The following FZD10 variants were observed in gnomAD, a reference collection of about 807,000 sequenced individuals.
FZD10 encodes the protein frizzled-10.
A neutral mutation model predicts 24.4 loss-of-function variants in FZD10; 14 were observed. The ratio of observed to expected loss-of-function variants is 0.57; its 90% CI spans 0.38 to 0.90. The LOEUF (loss-of-function observed/expected upper bound fraction) is 0.90. Ranked by LOEUF, FZD10 falls within the 40% of genes least tolerant of loss-of-function variation. The pLI is 0.00. For missense variants in FZD10, 775 were observed against 816.6 expected (o/e 0.95, Z 0.62); for synonymous variants, 381 against 349.1 (o/e 1.09, Z -1.02).
chr12:130,163,602 C>T lies in FZD10; in HGVS notation c.660C>T (p.Ser220=), dbSNP rs1215010353. ...LCTPGVDVYW[S]REDKRFAVVW... ...CGCCCGGCGTGGACGTGTACTGGAG[C>T]CGCGAGGACAAGCGCTTCGCAGTGG... Residue 220 remains serine (S), a synonymous_variant, in exon 1 of 1, where the codon AGC becomes AGT. Coordinates refer to ENST00000229030, the MANE Select transcript of FZD10 (RefSeq NM_007197.4). 1.2e-6 allele frequency: 2 copies of T among 1,612,016 alleles called. No individual in the cohort carries two copies. Among genetic ancestry groups the T allele is most frequent in the Non-Finnish European group, 1.7e-6 (2 of 1,179,472 alleles).
Position 130,163,749 on chromosome 12 carries a change from C to G in FZD10, c.807C>G (p.Cys269Trp). ...PERPIIFLSM[C>W]YCVYSVGYLI... The stretch of plus-strand genomic sequence containing the variant: ...GCCCCATCATCTTCCTCTCCATGTG[C>G]TACTGCGTCTACTCCGTGGGCTACC... Residue 269 changes from cysteine to tryptophan, a missense_variant, in exon 1 of 1, where the codon TGC becomes TGG. By Grantham distance (215) the Cys-to-Trp change is radical. Coordinates refer to ENST00000229030, the MANE Select transcript of FZD10 (RefSeq NM_007197.4). 6.2e-7 allele frequency: 1 copy of G among 1,613,960 alleles called. No homozygotes were observed. Among genetic ancestry groups the G allele is most frequent in the Non-Finnish European group, 8.5e-7 (1 of 1,180,034 alleles).
At position 130,163,061 on chromosome 12, in the gene FZD10, C is replaced by T. The variant is rs766029066; in HGVS notation, c.119C>T (p.Pro40Leu). ...GDGKCQPIEI[P>L]MCKDIGYNMT... ...GGCAAATGCCAGCCCATCGAGATCC[C>T]GATGTGCAAGGACATCGGCTACAAC... The change falls in exon 1 of 1, where the codon CCG becomes CTG. Residue 40 changes from proline (P) to leucine (L), a missense_variant. By Grantham distance (98) the Pro-to-Leu change is moderately conservative. Transcript: ENST00000229030. 1 of 1,612,746 alleles carries T rather than the reference C, an allele frequency of 6.2e-7. No individual in the cohort carries two copies. The highest frequency in any genetic ancestry group is 1.3e-5 in the African/African-American group (1 of 74,934).
chr12:130,164,738 C>A lies in FZD10; in HGVS notation c.*50C>A. The stretch of plus-strand genomic sequence containing the variant: ...GGGCGCCCGGAGCTAAGATGTGGTG[C>A]TTTTCTTGGTTGTGTTTTTCTTTCT... On this transcript the variant is annotated 3_prime_UTR_variant, in exon 1 of 1. Coordinates refer to ENST00000229030, the MANE Select transcript of FZD10 (RefSeq NM_007197.4). The surrounding 1 kb of genome is among the most constrained non-coding windows in gnomAD (Gnocchi z 5.3). 3.2e-6 allele frequency: 4 copies of A among 1,266,950 alleles called. No individual in the cohort carries two copies. The highest frequency in any genetic ancestry group is 4.3e-6 in the Non-Finnish European group (4 of 923,674). 78.5% of individuals were successfully genotyped at this position (1,266,950 alleles called of 1,614,324 possible).
rs141297067 is a variant in FZD10, at chr12:130,164,046, G to T, written c.1104G>T (p.Leu368=). 5.0e-5 allele frequency: 80 copies of T among 1,613,778 alleles called. 1 individual carries two copies. In the African/African-American group the frequency reaches 8.9e-4, roughly 18 times the overall value. The part of the protein sequence containing the change: ...AWAIPAVKTI[L]ILVMRRVAGD... ...CCATCCCGGCGGTGAAGACCATCCT[G>T]ATCCTGGTCATGCGCAGGGTGGCGG... Residue 368 remains leucine, a synonymous_variant, in exon 1 of 1, where the codon CTG becomes CTT. Coordinates refer to ENST00000229030, the MANE Select transcript of FZD10 (RefSeq NM_007197.4). This position sits in a 1 kb window ranked among gnomAD's most constrained non-coding sequence, Gnocchi z 5.3.
Position 130,163,171 on chromosome 12 carries a change from T to C in FZD10, c.229T>C (p.Tyr77His), listed in dbSNP as rs1347983185. The C allele has an allele frequency of 1.2e-6, 2 of 1,612,072 alleles. No homozygotes were observed. Among genetic ancestry groups the C allele is most frequent in the African/African-American group, 2.7e-5 (2 of 74,660 alleles). Residue 77 changes from tyrosine to histidine, a missense_variant, in exon 1 of 1, where the codon TAC becomes CAC. Transcript: ENST00000229030. The part of the protein sequence containing the change: ...QLHEFAPLVE[Y>H]GCHGHLRFFL... ...GCACGAGTTCGCGCCGCTGGTGGAG[T>C]ACGGCTGCCACGGCCACCTCCGCTT... is the stretch of plus-strand genomic sequence containing the variant.
In FZD10 at chr12:130,163,871, C is replaced by G. The variant is rs1453957716; in HGVS notation, c.929C>G (p.Thr310Arg). 10 of 1,613,938 alleles carry G rather than the reference C, an allele frequency of 6.2e-6. No homozygotes were observed. The highest frequency in any genetic ancestry group is 6.8e-6 in the Non-Finnish European group (8 of 1,180,046). The change falls in exon 1 of 1, where the codon ACG (threonine) becomes AGG (arginine). Residue 310 changes from threonine to arginine, a missense_variant. Transcript: ENST00000229030. ...GAGGGACTGGAGAGCACCGGCTGCACGCTGGTCTTCCTGGTCCTCTACTAC... is the reference window on the plus strand; with the variant it reads ...GAGGGACTGGAGAGCACCGGCTGCAGGCTGGTCTTCCTGGTCCTCTACTAC... ...IQEGLESTGC[T>R]LVFLVLYYFG...
chr12:130,164,224 A>G lies in FZD10; in HGVS notation c.1282A>G (p.Lys428Glu), dbSNP rs1259397974. Residue 428 changes from lysine (K) to glutamate (E), a missense_variant, in exon 1 of 1, where the codon AAG (lysine) becomes GAG (glutamate). Transcript: ENST00000229030. This position sits in a 1 kb window ranked among gnomAD's most constrained non-coding sequence, Gnocchi z 5.3. ...CCTGTTCCACATCCGGAGGGTGATG[A>G]AGACGGGCGGCGAGAACACGGACAA... The part of the protein sequence containing the change: ...VALFHIRRVM[K>E]TGGENTDKLE... 6.2e-7 allele frequency: 1 copy of G among 1,614,094 alleles called. No homozygotes were observed. The highest frequency in any genetic ancestry group is 1.7e-5 in the Admixed American group (1 of 60,006).
Position 130,164,340 on chromosome 12 carries a change from C to T in FZD10, c.1398C>T (p.Arg466=). The T allele has an allele frequency of 6.2e-7, 1 of 1,614,162 alleles. No individual in the cohort carries two copies. The highest frequency in any genetic ancestry group is 8.5e-7 in the Non-Finnish European group (1 of 1,180,034). The change falls in exon 1 of 1, where the codon CGC becomes CGT. Residue 466 remains arginine, a synonymous_variant. Transcript: ENST00000229030. This position sits in a 1 kb window ranked among gnomAD's most constrained non-coding sequence, Gnocchi z 5.3. ...TCVIACYFYE[R]LNMDYWKILA... ...TGATCGCCTGCTACTTTTACGAACG[C>T]CTCAACATGGATTACTGGAAGATCC...
Position 130,164,292 on chromosome 12 carries a change from G to A in FZD10, c.1350G>A (p.Leu450=), listed in dbSNP as rs749476708. 1 of 1,614,138 alleles carries A rather than the reference G, an allele frequency of 6.2e-7. No homozygotes were observed. Among genetic ancestry groups the A allele is most frequent in the Non-Finnish European group, 8.5e-7 (1 of 1,180,026 alleles). The change falls in exon 1 of 1, where the codon CTG becomes CTA. Residue 450 remains leucine (L), a synonymous_variant. Coordinates refer to ENST00000229030, the MANE Select transcript of FZD10 (RefSeq NM_007197.4). The surrounding 1 kb of genome is among the most constrained non-coding windows in gnomAD (Gnocchi z 5.3). ...TGCGTATCGGGCTCTTCTCTGTGCT[G>A]TACACCGTGCCGGCCACCTGTGTGA... is the stretch of plus-strand genomic sequence containing the variant. ...LMVRIGLFSV[L]YTVPATCVIA...
chr12:130,163,554 C>T lies in FZD10; in HGVS notation c.612C>T (p.Ser204=), dbSNP rs1272167178. The change falls in exon 1 of 1, where the codon AGC becomes AGT. Residue 204 remains serine, a synonymous_variant. Transcript: ENST00000229030. ...GCAAGTTCCACCACGTGGAGAAGAG[C>T]GCGTCGTGCGCGCCGCTCTGCACGC... ...NPGKFHHVEK[S]ASCAPLCTPG... 5 of 1,599,370 alleles carry T rather than the reference C, an allele frequency of 3.1e-6. No individual in the cohort carries two copies. Among genetic ancestry groups the T allele is most frequent in the Admixed American group, 1.7e-5 (1 of 59,130 alleles).
Position 130,164,367 on chromosome 12 carries a change from G to A in FZD10, c.1425G>A (p.Leu475=), listed in dbSNP as rs1871763824. 1 of 1,614,118 alleles carries A rather than the reference G, an allele frequency of 6.2e-7. No individual in the cohort carries two copies. Among genetic ancestry groups the A allele is most frequent in the Non-Finnish European group, 8.5e-7 (1 of 1,180,036 alleles). Reference sequence around the variant, plus strand: ...TCAACATGGATTACTGGAAGATCCTGGCGGCGCAGCACAAGTGCAAAATGA... The same window carrying A: ...TCAACATGGATTACTGGAAGATCCTAGCGGCGCAGCACAAGTGCAAAATGA... The part of the protein sequence containing the change: ...ERLNMDYWKI[L]AAQHKCKMNN... The change falls in exon 1 of 1, where the codon CTG becomes CTA. Residue 475 remains leucine (L), a synonymous_variant. Coordinates refer to ENST00000229030, the MANE Select transcript of FZD10 (RefSeq NM_007197.4). The surrounding 1 kb of genome is among the most constrained non-coding windows in gnomAD (Gnocchi z 5.3).
chr12:130,163,578 G>C lies in FZD10; in HGVS notation c.636G>C (p.Thr212=). 3.7e-6 allele frequency: 6 copies of C among 1,607,956 alleles called. No homozygotes were observed. The highest frequency in any genetic ancestry group is 5.1e-6 in the Non-Finnish European group (6 of 1,176,604). The change falls in exon 1 of 1, where the codon ACG becomes ACC. Residue 212 remains threonine, a synonymous_variant. Transcript: ENST00000229030. ...GCGCGTCGTGCGCGCCGCTCTGCAC[G>C]CCCGGCGTGGACGTGTACTGGAGCC... The part of the protein sequence containing the change: ...EKSASCAPLC[T]PGVDVYWSRE...
Position 130,163,362 on chromosome 12 carries a change from G to T in FZD10, c.420G>T (p.Lys140Asn). The change falls in exon 1 of 1, where the codon AAG becomes AAT. Residue 140 changes from lysine to asparagine, a missense_variant. Physicochemically the swap from Lys to Asn is moderately conservative, Grantham distance 94. Transcript: ENST00000229030. ...DSLDCRKLPN[K>N]NDPNYLCMEA... ...TGGACTGCCGGAAACTCCCCAACAA[G>T]AACGACCCCAACTACCTGTGCATGG... 6.2e-7 allele frequency: 1 copy of T among 1,604,934 alleles called. No individual in the cohort carries two copies. The highest frequency in any genetic ancestry group is 8.5e-7 in the Non-Finnish European group (1 of 1,175,848).
chr12:130,164,387 A>G lies in FZD10; in HGVS notation c.1445A>G (p.Lys482Arg). The G allele has an allele frequency of 1.2e-6, 2 of 1,614,112 alleles. No individual in the cohort carries two copies. Among genetic ancestry groups the G allele is most frequent in the Non-Finnish European group, 1.7e-6 (2 of 1,180,036 alleles). Residue 482 changes from lysine (K) to arginine (R), a missense_variant, in exon 1 of 1, where the codon AAA (lysine) becomes AGA (arginine). By Grantham distance (26) the Lys-to-Arg change is conservative. Transcript: ENST00000229030. The surrounding 1 kb of genome is among the most constrained non-coding windows in gnomAD (Gnocchi z 5.3). ...WKILAAQHKC[K>R]MNNQTKTLDC... is the part of the protein sequence containing the mutation. ...ATCCTGGCGGCGCAGCACAAGTGCA[A>G]AATGAACAACCAGACTAAAACGCTG...
chr12:130,165,434 G>A lies in FZD10; in HGVS notation c.*746G>A, dbSNP rs1871795950. 1 of 167,006 alleles carries A rather than the reference G, an allele frequency of 6.0e-6. No individual in the cohort carries two copies. The highest frequency in any genetic ancestry group is 2.4e-5 in the African/African-American group (1 of 41,464). The allele number at this position is 167,006 out of a possible 1,614,324, so 10.3% of individuals were successfully genotyped here. ...CAGAAACCCTTCAGTGCTACATTTT[G>A]TGGCTTTTTAATGGAAACCAAGCCA... On this transcript the variant is annotated 3_prime_UTR_variant, in exon 1 of 1. Transcript: ENST00000229030.
rs1453957716 is a variant in FZD10, at chr12:130,163,871, C to T, written c.929C>T (p.Thr310Met). The T allele has an allele frequency of 4.3e-6, 7 of 1,613,938 alleles. No homozygotes were observed. Among genetic ancestry groups the T allele is most frequent in the Admixed American group, 1.7e-5 (1 of 60,034 alleles). ...IQEGLESTGC[T>M]LVFLVLYYFG... ...GAGGGACTGGAGAGCACCGGCTGCACGCTGGTCTTCCTGGTCCTCTACTAC... is the reference window on the plus strand; with the variant it reads ...GAGGGACTGGAGAGCACCGGCTGCATGCTGGTCTTCCTGGTCCTCTACTAC... The change falls in exon 1 of 1, where the codon ACG becomes ATG. Residue 310 changes from threonine to methionine, a missense_variant. Physicochemically the swap from Thr to Met is moderately conservative, Grantham distance 81. Transcript: ENST00000229030.
chr12:130,163,598 G>A lies in FZD10; in HGVS notation c.656G>A (p.Trp219Ter), dbSNP rs1871727424. 1 of 1,611,972 alleles carries A rather than the reference G, an allele frequency of 6.2e-7. No homozygotes were observed. The highest frequency in any genetic ancestry group is 2.2e-5 in the East Asian group (1 of 44,840). ...PLCTPGVDVYWSREDKRFAVV... is the reference protein window; with the variant it reads ...PLCTPGVDVY ...TGCACGCCCGGCGTGGACGTGTACTGGAGCCGCGAGGACAAGCGCTTCGCA... is the reference window on the plus strand; with the variant it reads ...TGCACGCCCGGCGTGGACGTGTACTAGAGCCGCGAGGACAAGCGCTTCGCA... The change falls in exon 1 of 1, where the codon TGG (tryptophan) becomes TAG (stop). Residue 219 changes from tryptophan to a stop codon, truncating the protein, a stop_gained. Coordinates refer to ENST00000229030, the MANE Select transcript of FZD10 (RefSeq NM_007197.4). LOFTEE classifies it high-confidence loss of function.
In FZD10 at chr12:130,164,526, G is replaced by T; in HGVS notation, c.1584G>T (p.Leu528=). ...TGTGGATTTGGACCTCCAAGACTCT[G>T]CAGTCCTGGCAGCAGGTGTGCAGCC... ...SGMWIWTSKT[L]QSWQQVCSRR... Residue 528 remains leucine, a synonymous_variant, in exon 1 of 1, where the codon CTG becomes CTT. Coordinates refer to ENST00000229030, the MANE Select transcript of FZD10 (RefSeq NM_007197.4). The surrounding 1 kb of genome is among the most constrained non-coding windows in gnomAD (Gnocchi z 5.3). The T allele has an allele frequency of 1.9e-6, 3 of 1,613,338 alleles. No homozygotes were observed. The highest frequency in any genetic ancestry group is 2.5e-6 in the Non-Finnish European group (3 of 1,180,024).
At position 130,164,974 on chromosome 12, in the gene FZD10, G is replaced by A. The variant is rs920102924; in HGVS notation, c.*286G>A. On this transcript the variant is annotated 3_prime_UTR_variant, in exon 1 of 1. Transcript: ENST00000229030. This position sits in a 1 kb window ranked among gnomAD's most constrained non-coding sequence, Gnocchi z 5.3. ...AAAGTAGTTGATTCAGCCCTCAGAAGAAAACTTTTGTTTAGAGCCCTCCCT... is the reference window on the plus strand; with the variant it reads ...AAAGTAGTTGATTCAGCCCTCAGAAAAAAACTTTTGTTTAGAGCCCTCCCT... The A allele has an allele frequency of 5.6e-5, 18 of 319,932 alleles. No homozygotes were observed. Among genetic ancestry groups the A allele is most frequent in the African/African-American group, 1.9e-4 (9 of 46,390 alleles). The allele number at this position is 319,932 out of a possible 1,614,324, so 19.8% of individuals were successfully genotyped here. A position where few individuals can be genotyped will look rare whatever the true frequency, so the allele number is the denominator to read the frequency against.
Sources: allele counts gnomAD v4.1 joint callset, GRCh38; gene constraint gnomAD v4.1.1; non-coding constraint Gnocchi (gnomAD v3.1); transcripts MANE v1.5; gene names NCBI Gene and HGNC (gene_info 2026-07-23, HGNC 2026-07-21).